Variants in AP3B1 observed in about 807,000 individuals in gnomAD.
AP3B1 encodes AP-3 complex subunit beta-1.
In AP3B1, 61 loss-of-function variants were observed where a neutral mutation model predicts 132.5. The observed-to-expected ratio is 0.46, with a 90% CI of 0.37 to 0.57. The LOEUF is 0.57. Among genes scored for constraint, AP3B1 ranks in the 20% least tolerant of loss-of-function variants. The probability of loss-of-function intolerance (pLI) is 0.00; values close to 1 mark genes in which losing one functional copy is unlikely to be tolerated. For missense variants in AP3B1, 1,120 were observed against 1,289.4 expected, an observed-to-expected ratio of 0.87 and a Z score of 2.01; for synonymous variants, 388 against 438.3, an observed-to-expected ratio of 0.89 and a Z score of 1.43.
At chr5:78,086,410 C>G (rs1256900554) in intron 22 of AP3B1, among the ~76,000 whole-genome samples, 2 of 152,140 alleles carry the variant, frequency 1.3e-5, no homozygotes, top group Non-Finnish European at 2.9e-5. Flanking sequence ...CAACAACAAT[C>G]CTATGAGGTA....
rs958687790 is a variant in AP3B1, at chr5:78,294,635, T to C, written c.-56A>G. On this transcript the variant is annotated 5_prime_UTR_variant, in exon 1 of 27. Coordinates refer to ENST00000255194, the MANE Select transcript of AP3B1 (RefSeq NM_003664.5). Reference sequence around the variant, plus strand: ...CCTGCCGGGGGTTCTCTCCAAAAGGTTCCAGTCCAGAGGGCACGGAACAAA... The same window carrying C: ...CCTGCCGGGGGTTCTCTCCAAAAGGCTCCAGTCCAGAGGGCACGGAACAAA... 49 of 1,611,398 alleles carry C rather than the reference T, an allele frequency of 3.0e-5. No homozygotes were observed. Among genetic ancestry groups the C allele is most frequent in the Non-Finnish European group, 3.8e-5 (45 of 1,179,708 alleles).
intron 17 of AP3B1, among the ~76,000 whole-genome samples, chr5:78,122,314 C>G (rs1292546134): frequency 6.6e-6 from 1 of 152,176 alleles, no homozygotes; most frequent in Admixed American, 6.5e-5. Context: ...TCTCACCACT[C>G]CTATTCAACA....
chr5:78,271,672 G>A (rs1043381428), intron 1 of AP3B1, among the ~76,000 whole-genome samples: 1 of 152,102 alleles, frequency 6.6e-6, no homozygotes, highest in African/African-American at 2.4e-5. Context: ...TACTTGTGAG[G>A]ACTAAACTCT....
intron 2 of AP3B1, among the ~76,000 whole-genome samples, chr5:78,251,265 G>A (rs1747621320): frequency 6.6e-6 from 1 of 152,124 alleles, no homozygotes; most frequent in South Asian, 2.1e-4. Flanking sequence ...CTCAGAGGCA[G>A]AGCAAGATGG....
chr5:78,109,858 C>G (rs1288125541), intron 20 of AP3B1, among the ~76,000 whole-genome samples: 1 of 151,994 alleles, frequency 6.6e-6, no homozygotes, highest in Non-Finnish European at 1.5e-5. Flanking sequence ...ATGCAAAATG[C>G]CCAATATTTT....
chr5:78,010,742 C>G (rs967691460), intron 26 of AP3B1, among the ~76,000 whole-genome samples: 13 of 152,110 alleles, frequency 8.5e-5, no homozygotes, highest in Admixed American at 6.5e-4. Flanking sequence ...TGCCCTTTCA[C>G]CTTTGCAGTC....
chr5:78,207,350 C>T (rs1745551965), intron 7 of AP3B1, among the ~76,000 whole-genome samples: 1 of 151,650 alleles, frequency 6.6e-6, no homozygotes, highest in African/African-American at 2.4e-5. Context: ...TCACTTGAGC[C>T]TGGAAGGGCG....
Position 78,181,536 on chromosome 5 carries a change from T to C in AP3B1, c.913A>G (p.Lys305Glu). 6.2e-7 allele frequency: 1 copy of C among 1,613,164 alleles called. No individual in the cohort carries two copies. Among genetic ancestry groups the C allele is most frequent in the Non-Finnish European group, 8.5e-7 (1 of 1,179,560 alleles). The change falls in exon 8 of 27, where the codon AAG (lysine) becomes GAG (glutamate). Residue 305 changes from lysine to glutamate, a missense_variant. Physicochemically the swap from Lys to Glu is moderately conservative, Grantham distance 56. Coordinates refer to ENST00000255194, the MANE Select transcript of AP3B1 (RefSeq NM_003664.5). ...GCATTCCTGCTCTGAAGCAAAGGCT[T>C]TGTATTTCTAATTAAGAGTCTATGA... is the stretch of plus-strand genomic sequence containing the variant. ...PDHRLLIRNT[K>E]PLLQSRNAAV...
At chr5:78,248,090 C>T (rs549446607) in intron 2 of AP3B1, among the ~76,000 whole-genome samples, 1 of 152,080 alleles carries the variant, frequency 6.6e-6, no homozygotes, top group African/African-American at 2.4e-5. Context: ...TTTAACTTAT[C>T]GGATTATCAG....
intron 22 of AP3B1, among the ~76,000 whole-genome samples, chr5:78,066,013 G>T (rs192837556): frequency 6.6e-6 from 1 of 152,294 alleles, no homozygotes; most frequent in East Asian, 1.9e-4. Context: ...ACACCTCCAG[G>T]TATAGGAGGG....
rs1224888856 is a variant in AP3B1, at chr5:78,150,949, C to T, written c.1473+5309G>A. On this transcript the variant is annotated intron_variant, in intron 14 of 26. Transcript: ENST00000255194. ...TATTTATTTTTTTGAGACAGAGTCT[C>T]GCTCTGTCACCCAGACTGGAGTGCA... Among the ~76,000 whole-genome samples the T allele has an allele frequency of 5.9e-5, 9 of 152,088 alleles. 1 individual carries two copies. The East Asian group carries it at 7.7e-4, about 13-fold the overall frequency.
intron 11 of AP3B1, among the ~76,000 whole-genome samples, chr5:78,168,461 C>T (rs916082231): frequency 1.1e-4 from 17 of 151,854 alleles, no homozygotes; most frequent in East Asian, 1.9e-4. Context: ...TAGGCTCAAG[C>T]GATCCTCCTG....
chr5:78,293,247 C>A (rs373209719), intron 1 of AP3B1, among the ~76,000 whole-genome samples: 1 of 152,182 alleles, frequency 6.6e-6, no homozygotes, highest in African/African-American at 2.4e-5. Context: ...AATTAATTTG[C>A]GAAACAGATT....
chr5:78,146,668 T>C (rs956869874), intron 14 of AP3B1, among the ~76,000 whole-genome samples: 2 of 152,192 alleles, frequency 1.3e-5, no homozygotes, highest in Admixed American at 6.5e-5. Flanking sequence ...TCTTCTGTTT[T>C]GATTCGTTTT....
chr5:78,087,555 T>C (rs1750315698), intron 22 of AP3B1: 1 of 985,310 alleles, frequency 1.0e-6, no homozygotes, highest in Non-Finnish European at 1.2e-6. Flanking sequence ...TTAGCGCTAC[T>C]TGTTTGATCA....
chr5:78,168,028 AC>A (rs1743728541), intron 11 of AP3B1, among the ~76,000 whole-genome samples: 9 of 150,960 alleles, frequency 6.0e-5, no homozygotes, highest in South Asian at 2.1e-4. Flanking sequence ...AAAAAAAAAA[AC>A]AAAAAAAATA....
chr5:78,059,796 C>T lies in AP3B1; in HGVS notation c.2578-20522G>A, dbSNP rs896783231. ...ATGAACTGCCATCATTAAATTGAGG[C>T]TTCAATTTAATGCACTGCTTATTAT... On this transcript the variant is annotated intron_variant, in intron 22 of 26. Coordinates refer to ENST00000255194, the MANE Select transcript of AP3B1 (RefSeq NM_003664.5). Among the ~76,000 whole-genome samples the T allele has an allele frequency of 3.9e-5, 6 of 152,230 alleles. No individual in the cohort carries two copies. The East Asian group carries it at 1.2e-3, about 29-fold the overall frequency.
At chr5:78,179,480 G>A (rs191635536) in intron 8 of AP3B1, among the ~76,000 whole-genome samples, 1 of 152,264 alleles carries the variant, frequency 6.6e-6, no homozygotes. Flanking sequence ...GATTTGAAAT[G>A]TATAGGCTAA....
At chr5:78,045,534 T>C (rs1748293122) in intron 22 of AP3B1, among the ~76,000 whole-genome samples, 1 of 152,120 alleles carries the variant, frequency 6.6e-6, no homozygotes, top group Admixed American at 6.5e-5. Context: ...ACCGAGTGGG[T>C]TCCATAAATA....
Sources: allele counts gnomAD v4.1 joint callset (sites outside exome capture counted in the v4.1 genomes callset), GRCh38; gene constraint gnomAD v4.1.1; transcripts MANE v1.5; gene names NCBI Gene and HGNC (gene_info 2026-07-23, HGNC 2026-07-21).